RNF157: variants seen among roughly 807,000 people sequenced by gnomAD.
RNF157 encodes the protein E3 ubiquitin ligase RNF157.
In RNF157, 55 loss-of-function variants were observed where a neutral mutation model predicts 88.3. That is an observed-to-expected ratio of 0.62 (90% CI 0.50 to 0.78). RNF157 has a LOEUF of 0.78. Among genes scored for constraint, RNF157 ranks in the 30% least tolerant of loss-of-function variants. The probability of loss-of-function intolerance (pLI) is 0.00; values close to 1 mark genes in which losing one functional copy is unlikely to be tolerated. For synonymous variants in RNF157, 334 were observed against 341.2 expected, an observed-to-expected ratio of 0.98 and a Z score of 0.23; for missense variants, 788 against 860.8, an observed-to-expected ratio of 0.92 and a Z score of 1.06.
At chr17:76,162,289 C>G in intron 9 of RNF157, 2 of 580,416 alleles carry the variant, frequency 3.4e-6, no homozygotes, top group Non-Finnish European at 6.0e-6. Context: ...GGGGATCACA[C>G]AGATAAAGGA....
chr17:76,166,613 C>G (rs2068929423), intron 5 of RNF157, 86 bp from the exon 6 acceptor site: 1 of 1,105,226 alleles, frequency 9.0e-7, no homozygotes, highest in Non-Finnish European at 1.4e-6. Context: ...GCGATACTGT[C>G]AAGAAGCATT....
At position 76,160,520 on chromosome 17, in the gene RNF157, A is replaced by AT. The variant is rs1334395323; in HGVS notation, c.1066-948dup. 6.6e-6 allele frequency among the ~76,000 whole-genome samples: 1 copy of AT among 152,162 alleles called. No individual in the cohort carries two copies. The highest frequency in any genetic ancestry group is 1.5e-5 in the Non-Finnish European group (1 of 68,018). Reference sequence around the variant, plus strand: ...TGGAAAATGGTATTCTCATATTTGCATATCATTGATTTTTAATGTGGTTGA... The same window carrying AT: ...TGGAAAATGGTATTCTCATATTTGCATTATCATTGATTTTTAATGTGGTTGA... On this transcript the variant is annotated intron_variant, in intron 11 of 18. Transcript: ENST00000269391. This position sits in a 1 kb window ranked among gnomAD's most constrained non-coding sequence, Gnocchi z 4.3.
Position 76,240,057 on chromosome 17 carries a change from C to T in RNF157, c.88+96G>A. Reference sequence around the variant, plus strand: ...TCGGAGCGTCCGCAACCACTGAGTCCCCGAAGACCCGCGGGGCCCCCTCAG... The same window carrying T: ...TCGGAGCGTCCGCAACCACTGAGTCTCCGAAGACCCGCGGGGCCCCCTCAG... On this transcript the variant is annotated intron_variant, in intron 1 of 18. Coordinates refer to ENST00000269391, the MANE Select transcript of RNF157 (RefSeq NM_052916.3). The surrounding 1 kb of genome is among the most constrained non-coding windows in gnomAD (Gnocchi z 4.4). 3.3e-6 allele frequency: 2 copies of T among 598,700 alleles called. No homozygotes were observed. The highest frequency in any genetic ancestry group is 4.7e-6 in the Non-Finnish European group (2 of 429,188). 37.1% of individuals were successfully genotyped at this position (598,700 alleles called of 1,614,324 possible).
intron 2 of RNF157, among the ~76,000 whole-genome samples, chr17:76,192,285 G>A (rs77851196): frequency 0.01 from 1,563 of 152,230 alleles, 22 homozygotes; most frequent in African/African-American, 0.035. Context: ...GGCACTTTTC[G>A]AGTCAGCAAC....
rs553918046 is a variant in RNF157 at position 76,156,293 on chromosome 17, T to G, written c.1442A>C (p.Asn481Thr). The G allele has an allele frequency of 6.2e-7, 1 of 1,614,038 alleles. No individual in the cohort carries two copies. Reference sequence around the variant, plus strand: ...AGCTCCAGATGACGACAAGGTGAGATTCTCACTTTCTGGAGTCACACCACA... The same window carrying G: ...AGCTCCAGATGACGACAAGGTGAGAGTCTCACTTTCTGGAGTCACACCACA... ...EECGVTPESE[N>T]LTLSSSGAID... Residue 481 changes from asparagine to threonine, a missense_variant, in exon 14 of 19, where the codon AAT becomes ACT. Transcript: ENST00000269391.
chr17:76,209,489 T>C (rs1184604604), intron 2 of RNF157, among the ~76,000 whole-genome samples: 1 of 151,926 alleles, frequency 6.6e-6, no homozygotes, highest in Non-Finnish European at 1.5e-5. Flanking sequence ...TGCGTTTTTT[T>C]TTTTCTTTTT....
intron 1 of RNF157, among the ~76,000 whole-genome samples, chr17:76,219,630 T>C: frequency 6.6e-6 from 1 of 152,260 alleles, no homozygotes; most frequent in Admixed American, 6.5e-5. Flanking sequence ...TTTTACATAA[T>C]TATAAAATTA....
At chr17:76,145,643 T>A (rs747253419) in intron 18 of RNF157, 25 of 365,004 alleles carry the variant, frequency 6.8e-5, no homozygotes, top group Non-Finnish European at 1.1e-4. Flanking sequence ...TACCCTGGGA[T>A]CCACTTTTGT....
chr17:76,194,170 A>T (rs1473370915), intron 2 of RNF157, among the ~76,000 whole-genome samples: 1 of 152,208 alleles, frequency 6.6e-6, no homozygotes, highest in Non-Finnish European at 1.5e-5. Context: ...ACCATTACAA[A>T]CAAAATAAAG....
intron 5 of RNF157, 124 bp downstream of exon 5, chr17:76,166,884 AC>A (rs2068934038): frequency 1.5e-6 from 1 of 676,156 alleles, no homozygotes; most frequent in Non-Finnish European, 2.6e-6. Context: ...TGATGAAGTC[AC>A]AAGGCTGAAA....
intron 1 of RNF157, among the ~76,000 whole-genome samples, chr17:76,218,515 T>C (rs753160582): frequency 3.3e-5 from 5 of 151,978 alleles, no homozygotes; most frequent in African/African-American, 9.7e-5. Context: ...CATGGTGGCA[T>C]GTGCTTGTGG....
intron 3 of RNF157, among the ~76,000 whole-genome samples, chr17:76,171,042 G>A (rs1428282531): frequency 2.0e-5 from 3 of 151,968 alleles, no homozygotes; most frequent in African/African-American, 7.3e-5. Flanking sequence ...ACAGGTGCCT[G>A]CCACCATGCC....
rs1377185290 is a variant in RNF157 at position 76,159,521 on chromosome 17, A to T, written c.1118T>A (p.Leu373His). ...TGGGGACGGGGTGAGGGGCCCGTTG[A>T]GGGCCTCCAGAAGAGATACTACTTC... ...GYEVVSLLEA[L>H]NGPLTPSPAV... is the part of the protein sequence containing the mutation. The change falls in exon 12 of 19, where the codon CTC becomes CAC. Residue 373 changes from leucine (L) to histidine (H), a missense_variant. Leu to His is a moderately conservative substitution (Grantham distance 99, BLOSUM62 -3). Coordinates refer to ENST00000269391, the MANE Select transcript of RNF157 (RefSeq NM_052916.3). The T allele has an allele frequency of 6.2e-7, 1 of 1,606,110 alleles. No individual in the cohort carries two copies. Among genetic ancestry groups the T allele is most frequent in the Non-Finnish European group, 8.5e-7 (1 of 1,177,796 alleles).
At position 76,160,527 on chromosome 17, in the gene RNF157, T is replaced by G. The variant is rs2144833395; in HGVS notation, c.1066-954A>C. On this transcript the variant is annotated intron_variant, in intron 11 of 18. Coordinates refer to ENST00000269391, the MANE Select transcript of RNF157 (RefSeq NM_052916.3). The surrounding 1 kb of genome is among the most constrained non-coding windows in gnomAD (Gnocchi z 4.3). ...TGGTATTCTCATATTTGCATATCATTGATTTTTAATGTGGTTGAACTTTTT... is the reference window on the plus strand; with the variant it reads ...TGGTATTCTCATATTTGCATATCATGGATTTTTAATGTGGTTGAACTTTTT... 6.6e-6 allele frequency among the ~76,000 whole-genome samples: 1 copy of G among 152,354 alleles called. No homozygotes were observed. The highest frequency in any genetic ancestry group is 2.1e-4 in the South Asian group (1 of 4,830).
intron 11 of RNF157, 69 bp from the exon 12 acceptor site, chr17:76,159,642 T>C: frequency 9.1e-7 from 1 of 1,100,990 alleles, no homozygotes; most frequent in Non-Finnish European, 1.4e-6. Context: ...ATCATGCTAC[T>C]TCTCTACACT....
intron 1 of RNF157, chr17:76,225,604 A>ATCTT (rs148951821): frequency 0.091 from 57,717 of 635,582 alleles, 4,272 homozygotes; most frequent in African/African-American, 0.29. Flanking sequence ...TACTGTAGGC[A>ATCTT]TCTATGTCTG....
chr17:76,190,602 CAAAAA>C (rs557182055), intron 2 of RNF157, among the ~76,000 whole-genome samples: 1 of 102,944 alleles, frequency 9.7e-6, no homozygotes, highest in African/African-American at 3.6e-5. Flanking sequence ...GACCCCATCT[CAAAAA>C]AAAAAAAAAA....
rs1007819008 is a variant in RNF157, at chr17:76,183,547, G to A, written c.208-9757C>T. 1.3e-5 allele frequency among the ~76,000 whole-genome samples: 2 copies of A among 151,798 alleles called. 1 individual carries two copies. Among genetic ancestry groups the A allele is most frequent in the South Asian group, 4.2e-4 (2 of 4,804 alleles). Reference sequence around the variant, plus strand: ...TGTGACCATAGTGCACTACAGCCTTGAACTACTGGGCTCAAGTGATCCTCC... The same window carrying A: ...TGTGACCATAGTGCACTACAGCCTTAAACTACTGGGCTCAAGTGATCCTCC... On this transcript the variant is annotated intron_variant, in intron 2 of 18. Transcript: ENST00000269391.
intron 1 of RNF157, among the ~76,000 whole-genome samples, chr17:76,213,520 A>C (rs1172994397): frequency 6.6e-6 from 1 of 151,540 alleles, no homozygotes; most frequent in East Asian, 1.9e-4. Context: ...CAGTAAGCCA[A>C]GATCACACCA....
Sources: gnomAD v4.1 joint callset for allele counts (sites outside exome capture counted in the v4.1 genomes callset) on GRCh38, gnomAD v4.1.1 for gene constraint, Gnocchi (gnomAD v3.1) non-coding constraint, MANE v1.5 for transcripts, NCBI Gene and HGNC (gene_info 2026-07-23, HGNC 2026-07-21) for gene names.